Variants in BTD observed in about 807,000 individuals in gnomAD.
BTD encodes biotinidase, also known as biocytinase.
Under a neutral mutation model 17.7 loss-of-function variants are expected in BTD, and 13 were observed. That is an observed-to-expected ratio of 0.74 (90% CI 0.48 to 1.17). BTD has a LOEUF of 1.17. Ranked by LOEUF, BTD falls within the 50% of genes most tolerant of loss-of-function variation. The pLI, the probability that BTD is intolerant of heterozygous loss-of-function variation, is 0.00. For missense variants in BTD, 674 were observed against 650.4 expected (o/e 1.04, Z -0.39); for synonymous variants, 240 against 245.2 (o/e 0.98, Z 0.20).
chr3:15,689,101 C>T (rs1291506544), intron 3 of BTD, among the ~76,000 whole-genome samples: 2 of 152,182 alleles, frequency 1.3e-5, no homozygotes, highest in African/African-American at 2.4e-5. Flanking sequence ...AGAATACAAT[C>T]ATTTTACCAC....
chr3:15,625,704 C>T (rs777651363), intron 1 of BTD, among the ~76,000 whole-genome samples: 1 of 152,002 alleles, frequency 6.6e-6, no homozygotes, highest in Non-Finnish European at 1.5e-5. Flanking sequence ...TACAGGCACC[C>T]GCCCCCTCGC....
chr3:15,690,352 C>T (rs1367058466), intron 3 of BTD: 5 of 738,962 alleles, frequency 6.8e-6, no homozygotes, highest in Non-Finnish European at 1.1e-5. Context: ...ACTTCTACAT[C>T]GAGAATTCAG....
At position 15,648,437 on chromosome 3, in the gene BTD, C is replaced by T. The variant is rs919107042; in HGVS notation, c.*2949C>T. Among the ~76,000 whole-genome samples, 2 of 152,154 alleles carry T rather than the reference C, an allele frequency of 1.3e-5. No individual in the cohort carries two copies. The highest frequency in any genetic ancestry group is 2.9e-5 in the Non-Finnish European group (2 of 68,032). ...GCTTCAGTCTTTCATTCCCTAACCT[C>T]CCTTTGAATGTTAGTTACCTATTCC... On this transcript the variant is annotated 3_prime_UTR_variant, in exon 4 of 4. Transcript: ENST00000643237.
chr3:15,658,935 T>C (rs1559288742), intron 3 of BTD, among the ~76,000 whole-genome samples: 1 of 152,186 alleles, frequency 6.6e-6, no homozygotes, highest in Non-Finnish European at 1.5e-5. Context: ...TTGTCCTGTC[T>C]GCCTCAAAAG....
At chr3:15,615,059 C>T (rs1481011481) in intron 1 of BTD, among the ~76,000 whole-genome samples, 1 of 152,014 alleles carries the variant, frequency 6.6e-6, no homozygotes, top group Non-Finnish European at 1.5e-5. Context: ...TATTTGCTTC[C>T]TTGTGTGTTT....
intron 1 of BTD, among the ~76,000 whole-genome samples, chr3:15,630,899 T>C (rs1360346167): frequency 2.6e-5 from 4 of 152,174 alleles, no homozygotes; most frequent in Non-Finnish European, 5.9e-5. Flanking sequence ...TGGAGCTTCT[T>C]GTTCCAGGGG....
intron 3 of BTD, among the ~76,000 whole-genome samples, chr3:15,671,618 C>T (rs537278849): frequency 3.4e-5 from 5 of 145,164 alleles, no homozygotes; most frequent in South Asian, 4.3e-4. Flanking sequence ...AGAGTCTGCT[C>T]GGTCACCCAA....
In BTD at chr3:15,626,046, A is replaced by T. The variant is rs183435365; in HGVS notation, c.-16-9378A>T. ...TATTTCAACTGTTCCAAATTTTAGA[A>T]AGTTGTTTCAAGTATCTGATACCTA... On this transcript the variant is annotated intron_variant, in intron 1 of 3. Coordinates refer to ENST00000643237, the MANE Select transcript of BTD (RefSeq NM_001370658.1). 1.3e-3 allele frequency among the ~76,000 whole-genome samples: 200 copies of T among 152,308 alleles called. 1 individual carries two copies. The highest frequency in any genetic ancestry group is 7.0e-3 in the South Asian group (34 of 4,824).
At chr3:15,626,039 T>G (rs2065059222) in intron 1 of BTD, among the ~76,000 whole-genome samples, 1 of 152,258 alleles carries the variant, frequency 6.6e-6, no homozygotes, top group Non-Finnish European at 1.5e-5. Context: ...CTGTTCCAAA[T>G]TTTAGAAAGT....
intron 2 of BTD, among the ~76,000 whole-genome samples, chr3:15,639,904 G>A (rs904366421): frequency 1.1e-4 from 17 of 152,164 alleles, no homozygotes; most frequent in African/African-American, 3.9e-4. Flanking sequence ...GAGGTCAGGA[G>A]TTTGAGACCA....
At chr3:15,627,505 G>A (rs1250201152) in intron 1 of BTD, among the ~76,000 whole-genome samples, 1 of 152,190 alleles carries the variant, frequency 6.6e-6, no homozygotes, top group African/African-American at 2.4e-5. Flanking sequence ...TGGGATTACA[G>A]GCATTAGTTA....
Position 15,644,499 on chromosome 3 carries a change from C to T in BTD, c.583C>T (p.Leu195Phe), listed in dbSNP as rs190386869. 18 of 1,614,050 alleles carry T rather than the reference C, an allele frequency of 1.1e-5. No homozygotes were observed. The highest frequency in any genetic ancestry group is 2.2e-5 in the East Asian group (1 of 44,906). ...TLVDRYRKHNLYFEAAFDVPL... is the reference protein window; with the variant it reads ...TLVDRYRKHNFYFEAAFDVPL... Reference sequence around the variant, plus strand: ...TGTTGACCGCTACCGTAAACACAACCTCTACTTTGAGGCAGCATTCGATGT... The same window carrying T: ...TGTTGACCGCTACCGTAAACACAACTTCTACTTTGAGGCAGCATTCGATGT... The change falls in exon 4 of 4, where the codon CTC (leucine) becomes TTC (phenylalanine). Residue 195 changes from leucine (L) to phenylalanine (F), a missense_variant. By Grantham distance (22) the Leu-to-Phe change is conservative. Transcript: ENST00000643237.
intron 3 of BTD, among the ~76,000 whole-genome samples, chr3:15,693,349 G>C (rs941970061): frequency 3.3e-5 from 5 of 151,544 alleles, no homozygotes; most frequent in Non-Finnish European, 7.4e-5. Context: ...GAGAGAGAGA[G>C]ACCGACCCAC....
chr3:15,620,001 A>C (rs2064903386), intron 1 of BTD, among the ~76,000 whole-genome samples: 3 of 152,228 alleles, frequency 2.0e-5, no homozygotes, highest in Admixed American at 2.0e-4. Context: ...GGTCTAACAA[A>C]GATCACATGC....
intron 1 of BTD, among the ~76,000 whole-genome samples, chr3:15,614,578 T>C (rs2064738349): frequency 1.3e-5 from 2 of 151,992 alleles, no homozygotes; most frequent in Non-Finnish European, 2.9e-5. Context: ...CCATTTGGTT[T>C]TATTTGACAA....
At chr3:15,714,428 A>G (rs2072738388), downstream of BTD, 1 of 625,736 alleles carries the variant, frequency 1.6e-6, no homozygotes, top group Non-Finnish European at 2.7e-6. Flanking sequence ...ATACTCTTTA[A>G]TATTTTATTT....
exon 4 of BTD, chr3:15,712,364 G>T: frequency 1.4e-6 from 1 of 700,308 alleles, no homozygotes; most frequent in Non-Finnish European, 2.4e-6. Context: ...TTTGGTTAAA[G>T]TTTGATGGTG....
chr3:15,619,403 C>T (rs1159654109), intron 1 of BTD, among the ~76,000 whole-genome samples: 1 of 152,216 alleles, frequency 6.6e-6, no homozygotes, highest in Non-Finnish European at 1.5e-5. Context: ...TCACTGCAGC[C>T]TCCACCTCCT....
At chr3:15,677,926 G>A (rs2067121406) in intron 3 of BTD, among the ~76,000 whole-genome samples, 1 of 152,046 alleles carries the variant, frequency 6.6e-6, no homozygotes, top group African/African-American at 2.4e-5. Flanking sequence ...GAGGCATAAG[G>A]TCATTTAGCT....
Sources: allele counts gnomAD v4.1 joint callset (sites outside exome capture counted in the v4.1 genomes callset), GRCh38; gene constraint gnomAD v4.1.1; transcripts MANE v1.5; gene names NCBI Gene and HGNC (gene_info 2026-07-23, HGNC 2026-07-21).